SCN7A: variants seen among roughly 807,000 people sequenced by gnomAD.
SCN7A encodes sodium channel protein type 7 subunit alpha.
A neutral mutation model predicts 155.2 loss-of-function variants in SCN7A; 138 were observed. The ratio of observed to expected loss-of-function variants is 0.89; its 90% CI spans 0.77 to 1.02. The LOEUF is 1.02. SCN7A is among the 50% of genes least tolerant of loss of function. The pLI is 0.00. For missense variants in SCN7A, 2,058 were observed against 1,986.6 expected, an observed-to-expected ratio of 1.04 and a Z score of -0.68; for synonymous variants, 693 against 649.0, an observed-to-expected ratio of 1.07 and a Z score of -1.03.
intron 12 of SCN7A, among the ~76,000 whole-genome samples, chr2:166,446,142 A>ATGG (rs1702058156): frequency 6.6e-6 from 1 of 152,172 alleles, no homozygotes; most frequent in Non-Finnish European, 1.5e-5. Flanking sequence ...GCAAAGGTCT[A>ATGG]ATATCCAGAA....
In SCN7A at chr2:166,432,719, A is replaced by C; in HGVS notation, c.2191T>G (p.Phe731Val). Reference sequence around the variant, plus strand: ...GCTGTTACATCCTTGCATGAACTAAATGAGCTCACCAATGCCAGAAACAGG... The same window carrying C: ...GCTGTTACATCCTTGCATGAACTAACTGAGCTCACCAATGCCAGAAACAGG... Reference protein sequence around the residue: ...LYLFLALVSSFSSCKDVTAEE... With the variant: ...LYLFLALVSSVSSCKDVTAEE... Residue 731 changes from phenylalanine (F) to valine (V), a missense_variant, in exon 16 of 26, where the codon TTT (phenylalanine) becomes GTT (valine). Coordinates refer to ENST00000643258, the MANE Select transcript of SCN7A (RefSeq NM_002976.4). 1.3e-6 allele frequency: 2 copies of C among 1,567,996 alleles called. No homozygotes were observed. Among genetic ancestry groups the C allele is most frequent in the South Asian group, 2.4e-5 (2 of 81,818 alleles).
chr2:166,449,311 A>G lies in SCN7A; in HGVS notation c.1291-1603T>C, dbSNP rs535200318. Among the ~76,000 whole-genome samples the G allele has an allele frequency of 2.0e-5, 3 of 152,222 alleles. No individual in the cohort carries two copies. The East Asian group carries it at 5.8e-4, about 29-fold the overall frequency. ...ATATATCTGTATATTTGTTAACTTG[A>G]GGTAAAGGCTGCTCTTGAATAGAGT... On this transcript the variant is annotated intron_variant, in intron 11 of 25. Coordinates refer to ENST00000643258, the MANE Select transcript of SCN7A (RefSeq NM_002976.4).
intron 11 of SCN7A, among the ~76,000 whole-genome samples, chr2:166,450,042 C>T (rs1469452685): frequency 6.6e-6 from 1 of 152,140 alleles, no homozygotes; most frequent in East Asian, 1.9e-4. Context: ...CTATTCACAA[C>T]AGCAAGGACA....
chr2:166,443,552 A>C lies in SCN7A; in HGVS notation c.1751T>G (p.Leu584Arg). The C allele has an allele frequency of 6.3e-7, 1 of 1,595,924 alleles. No homozygotes were observed. Among genetic ancestry groups the C allele is most frequent in the Non-Finnish European group, 8.5e-7 (1 of 1,170,970 alleles). The change falls in exon 14 of 26, where the codon CTT becomes CGT. Residue 584 changes from leucine (L) to arginine (R), a missense_variant. By Grantham distance (102) the Leu-to-Arg change is moderately radical. Transcript: ENST00000643258. ...SMIVFHGLIE[L>R]CLANVAGMAL... ...CATTCCTGCAACATTTGCTAGACAA[A>C]GTTCTATTAAACCATGGAACACTAT...
chr2:166,483,382 C>T lies in SCN7A; in HGVS notation c.-15+3474G>A, dbSNP rs968679836. 3.3e-5 allele frequency among the ~76,000 whole-genome samples: 5 copies of T among 152,006 alleles called. No individual in the cohort carries two copies. In the East Asian group the frequency reaches 5.8e-4, roughly 18 times the overall value. On this transcript the variant is annotated intron_variant, in intron 2 of 25. Transcript: ENST00000643258. ...CATATCTTCCTGCCTTCTAGTTACT[C>T]GGATAGTGTGGGGTTTGTGTATGTT...
intron 7 of SCN7A, among the ~76,000 whole-genome samples, chr2:166,466,443 G>A (rs1702535220): frequency 6.6e-6 from 1 of 152,026 alleles, no homozygotes; most frequent in Non-Finnish European, 1.5e-5. Context: ...CAATAAGCAG[G>A]AAAGAGAATA....
intron 11 of SCN7A, among the ~76,000 whole-genome samples, chr2:166,451,292 C>G (rs1286502002): frequency 6.6e-6 from 1 of 152,102 alleles, no homozygotes; most frequent in African/African-American, 2.4e-5. Flanking sequence ...AATATATTTA[C>G]CTTGATTGAG....
chr2:166,468,202 T>C (rs554101862), intron 7 of SCN7A, among the ~76,000 whole-genome samples: 5 of 152,208 alleles, frequency 3.3e-5, no homozygotes, highest in South Asian at 4.1e-4. Context: ...TGTTGAGTTA[T>C]GTATTTTGTA....
Position 166,421,314 on chromosome 2 carries a change from A to G in SCN7A, c.3028-17T>C. Reference sequence around the variant, plus strand: ...ACAAAACACCTATATATTTTTTTTAAAAAAAGAGTGAATAGGATTCCATAT... The same window carrying G: ...ACAAAACACCTATATATTTTTTTTAGAAAAAGAGTGAATAGGATTCCATAT... On this transcript the variant is annotated splice_polypyrimidine_tract_variant and intron_variant, in intron 19 of 25. Coordinates refer to ENST00000643258, the MANE Select transcript of SCN7A (RefSeq NM_002976.4). 7.3e-7 allele frequency: 1 copy of G among 1,373,546 alleles called. No homozygotes were observed. Among genetic ancestry groups the G allele is most frequent in the Non-Finnish European group, 9.8e-7 (1 of 1,023,130 alleles). The allele number at this position is 1,373,546 out of a possible 1,614,324, so 85.1% of individuals were successfully genotyped here.
Position 166,472,351 on chromosome 2 carries a change from A to T in SCN7A, c.538T>A (p.Trp180Arg), listed in dbSNP as rs369173427. The change falls in exon 6 of 26, where the codon TGG (tryptophan) becomes AGG (arginine). Residue 180 changes from tryptophan (W) to arginine (R), a missense_variant. Transcript: ENST00000643258. ...GTTACGCTGAAATCGAGCCAGTTCCATGGATCACCGAGGAAGGAAAATGAT... is the reference window on the plus strand; with the variant it reads ...GTTACGCTGAAATCGAGCCAGTTCCTTGGATCACCGAGGAAGGAAAATGAT... Reference protein sequence around the residue: ...AGSFSFLGDPWNWLDFSVTVF... With the variant: ...AGSFSFLGDPRNWLDFSVTVF... 160 of 1,608,586 alleles carry T rather than the reference A, an allele frequency of 9.9e-5. No homozygotes were observed. Among genetic ancestry groups the T allele is most frequent in the Non-Finnish European group, 1.3e-4 (148 of 1,176,776 alleles).
intron 18 of SCN7A, among the ~76,000 whole-genome samples, chr2:166,424,561 A>T (rs998716541): frequency 2.0e-5 from 3 of 152,112 alleles, no homozygotes; most frequent in Admixed American, 2.0e-4. Context: ...ATTAGGCAAG[A>T]TACGTAACTT....
intron 15 of SCN7A, among the ~76,000 whole-genome samples, chr2:166,434,253 T>C (rs1444862008): frequency 1.3e-5 from 2 of 152,172 alleles, no homozygotes; most frequent in Non-Finnish European, 2.9e-5. Flanking sequence ...TTCTTAGGAA[T>C]ACAGAAGGTT....
Position 166,456,849 on chromosome 2 carries a change from TAG to T in SCN7A, c.1290+19_1290+20del. 6 of 1,213,944 alleles carry T rather than the reference TAG, an allele frequency of 4.9e-6. No individual in the cohort carries two copies. The highest frequency in any genetic ancestry group is 7.1e-6 in the Non-Finnish European group (6 of 850,834). The allele number at this position is 1,213,944 out of a possible 1,614,324, so 75.2% of individuals were successfully genotyped here. A position where few individuals can be genotyped will look rare whatever the true frequency, so the allele number is the denominator to read the frequency against. On this transcript the variant is annotated intron_variant, in intron 11 of 25. Transcript: ENST00000643258. ...ATATATAGATAGATAGATAGATAGATAGATAGATAGATATAGATACCTCATCT... is the reference window on the plus strand; with the variant it reads ...ATATATAGATAGATAGATAGATAGATATAGATAGATATAGATACCTCATCT...
In SCN7A at chr2:166,409,925, T is replaced by C; in HGVS notation, c.3722A>G (p.Gln1241Arg). 2 of 1,563,750 alleles carry C rather than the reference T, an allele frequency of 1.3e-6. No homozygotes were observed. The highest frequency in any genetic ancestry group is 1.4e-5 in the African/African-American group (1 of 73,704). ...RPVPRPLNKL[Q>R]GFIFDVVTSQ... ...TGTTACCACATCAAAGATGAATCCT[T>C]GGAGCTTGTTCTGTGGGTAAAATCA... The change falls in exon 25 of 26, where the codon CAA becomes CGA. Residue 1241 changes from glutamine to arginine, a missense_variant. Physicochemically the swap from Gln to Arg is conservative, Grantham distance 43. Transcript: ENST00000643258.
At chr2:166,467,453 G>A (rs924624169) in intron 7 of SCN7A, among the ~76,000 whole-genome samples, 1 of 147,866 alleles carries the variant, frequency 6.8e-6, no homozygotes, top group Admixed American at 6.8e-5. Context: ...ATATATGTCT[G>A]TGTTTATATA....
intron 20 of SCN7A, among the ~76,000 whole-genome samples, chr2:166,420,785 A>G (rs142145106): frequency 6.6e-6 from 1 of 152,128 alleles, no homozygotes; most frequent in East Asian, 1.9e-4. Context: ...CTTTTCTTTC[A>G]TTCAGTGAGT....
In SCN7A at chr2:166,447,480, T is replaced by C. The variant is rs1185268145; in HGVS notation, c.1387+132A>G. ...TAAAATTTTTATACATGGTTTATCC[T>C]AATATTCTCAAATATTTCTTAAATT... On this transcript the variant is annotated intron_variant, in intron 12 of 25. Transcript: ENST00000643258. 2.0e-5 allele frequency: 12 copies of C among 592,202 alleles called. No homozygotes were observed. In the East Asian group the frequency reaches 2.4e-4, roughly 12 times the overall value. 36.7% of individuals were successfully genotyped at this position (592,202 alleles called of 1,614,324 possible). A position where few individuals can be genotyped will look rare whatever the true frequency, so the allele number is the denominator to read the frequency against.
chr2:166,418,084 C>G (rs2105383340), intron 20 of SCN7A, among the ~76,000 whole-genome samples: 1 of 150,276 alleles, frequency 6.7e-6, no homozygotes, highest in African/African-American at 2.4e-5. Context: ...TTTACTATTT[C>G]CACTACTTAT....
At chr2:166,409,345 T>C (rs1701145442) in intron 25 of SCN7A, among the ~76,000 whole-genome samples, 1 of 151,986 alleles carries the variant, frequency 6.6e-6, no homozygotes, top group Admixed American at 6.6e-5. Context: ...CATAAACGTC[T>C]TTCTAGTGTC....
Sources: gnomAD v4.1 joint callset for allele counts (sites outside exome capture counted in the v4.1 genomes callset) on GRCh38, gnomAD v4.1.1 for gene constraint, MANE v1.5 for transcripts, NCBI Gene and HGNC (gene_info 2026-07-23, HGNC 2026-07-21) for gene names.